The following DLEU7 variants were observed in gnomAD, a reference collection of about 807,000 sequenced individuals.
DLEU7 encodes leukemia-associated protein 7.
DLEU7 carries 17 observed loss-of-function variants against 16.0 expected under a neutral mutation model. The observed-to-expected ratio is 1.06, with a 90% CI of 0.73 to 1.59. DLEU7 has a LOEUF of 1.59. DLEU7 is among the 40% of genes most tolerant of loss of function. DLEU7 has a pLI of 0.00. For missense variants in DLEU7, 308 were observed against 314.9 expected (o/e 0.98, Z 0.17); for synonymous variants, 113 against 139.8 (o/e 0.81, Z 1.35).
intron 1 of DLEU7, among the ~76,000 whole-genome samples, chr13:50,812,245 G>A (rs975298631): frequency 6.6e-6 from 1 of 152,140 alleles, no homozygotes; most frequent in Non-Finnish European, 1.5e-5. Context: ...CAGCTTGATG[G>A]TGTGTAGAAG....
intron 1 of DLEU7, among the ~76,000 whole-genome samples, chr13:50,731,378 T>G (rs1297836149): frequency 6.6e-6 from 1 of 152,174 alleles, no homozygotes; most frequent in African/African-American, 2.4e-5. Flanking sequence ...TGTATATGTG[T>G]TTTTGAGGTG....
intron 1 of DLEU7, among the ~76,000 whole-genome samples, chr13:50,767,841 A>C (rs1264399045): frequency 6.6e-6 from 1 of 152,178 alleles, no homozygotes; most frequent in Admixed American, 6.5e-5. Flanking sequence ...CCTGAAGGTC[A>C]AGCCTCCGTG....
At chr13:50,806,248 G>C (rs1173288523) in intron 1 of DLEU7, among the ~76,000 whole-genome samples, 1 of 152,064 alleles carries the variant, frequency 6.6e-6, no homozygotes, top group African/African-American at 2.4e-5. Flanking sequence ...ATATGAATAA[G>C]AAAATACTCA....
intron 1 of DLEU7, among the ~76,000 whole-genome samples, chr13:50,716,641 G>A (rs1873446479): frequency 6.6e-6 from 1 of 152,204 alleles, no homozygotes; most frequent in African/African-American, 2.4e-5. Flanking sequence ...GTGTAAGGTG[G>A]TAACAACAAT....
At chr13:50,723,824 G>GA (rs1407195833) in intron 1 of DLEU7, among the ~76,000 whole-genome samples, 5 of 149,800 alleles carry the variant, frequency 3.3e-5, no homozygotes, top group African/African-American at 1.2e-4. Context: ...GTCTATAGCA[G>GA]AAAAAAATAA....
intron 1 of DLEU7, among the ~76,000 whole-genome samples, chr13:50,815,691 C>T (rs1876712875): frequency 6.6e-6 from 1 of 152,010 alleles, no homozygotes; most frequent in African/African-American, 2.4e-5. Flanking sequence ...TCCCACAGGC[C>T]CACTTATGGT....
chr13:50,713,148 T>A, exon 2 of DLEU7: 1 of 1,572,894 alleles, frequency 6.4e-7, no homozygotes, highest in Non-Finnish European at 8.7e-7. Context: ...CATCTGGCAT[T>A]CAGAATTTGG....
intron 1 of DLEU7, among the ~76,000 whole-genome samples, chr13:50,768,505 A>G (rs1396845993): frequency 6.9e-6 from 1 of 144,984 alleles, no homozygotes; most frequent in Non-Finnish European, 1.5e-5. Flanking sequence ...TCATTGTTCA[A>G]TTCCCACCTA....
chr13:50,814,761 A>AGTGTGTGTGTGTGTGTGTGT (rs10670911), intron 1 of DLEU7, among the ~76,000 whole-genome samples: 39 of 138,658 alleles, frequency 2.8e-4, no homozygotes, highest in Non-Finnish European at 5.2e-4. Flanking sequence ...TATTCATGTG[A>AGTGTGTGTGTGTGTGTGTGT]GTGTGTGTGT....
At chr13:50,731,146 T>C (rs1220181136) in intron 1 of DLEU7, among the ~76,000 whole-genome samples, 2 of 152,224 alleles carry the variant, frequency 1.3e-5, no homozygotes, top group East Asian at 1.9e-4. Flanking sequence ...TCTTCATTTA[T>C]GGAGAGTGTA....
In DLEU7 at chr13:50,787,222, C is replaced by T. The variant is rs540348706; in HGVS notation, c.459+55966G>A. On this transcript the variant is annotated intron_variant, in intron 1 of 1. Transcript: ENST00000400393. ...AATGCTGTACTGACTATGAGTTTTC[C>T]TGGTGAGGTCAGGCCTGCTTAATAA... Among the ~76,000 whole-genome samples the T allele has an allele frequency of 5.3e-4, 80 of 152,254 alleles. 2 individuals are homozygous for T. The South Asian group carries it at 0.017, about 32-fold the overall frequency.
intron 1 of DLEU7, among the ~76,000 whole-genome samples, chr13:50,719,307 A>G (rs1208058156): frequency 6.6e-6 from 1 of 152,198 alleles, no homozygotes; most frequent in Non-Finnish European, 1.5e-5. Context: ...TTCTGTTACA[A>G]CAGGTGACAT....
chr13:50,822,478 T>C (rs1368264961), downstream of DLEU7, among the ~76,000 whole-genome samples: 8 of 141,800 alleles, frequency 5.6e-5, no homozygotes, highest in Non-Finnish European at 1.5e-5. Context: ...TTCCGAAGTA[T>C]GTGTGGACTG....
At chr13:50,815,446 T>C (rs544298834) in intron 1 of DLEU7, among the ~76,000 whole-genome samples, 10 of 152,296 alleles carry the variant, frequency 6.6e-5, no homozygotes, top group Admixed American at 6.5e-4. Flanking sequence ...TACACACACA[T>C]ATACGCACAC....
chr13:50,750,494 A>C (rs1020263772), intron 1 of DLEU7, among the ~76,000 whole-genome samples: 6 of 151,782 alleles, frequency 4.0e-5, no homozygotes, highest in Non-Finnish European at 8.8e-5. Context: ...ATTTTGGTGG[A>C]GATTGTGTTG....
At chr13:50,815,141 G>T (rs578112921) in intron 1 of DLEU7, among the ~76,000 whole-genome samples, 57 of 152,178 alleles carry the variant, frequency 3.7e-4, no homozygotes, top group Middle Eastern at 3.4e-3. Context: ...CCCCCGCCAA[G>T]AACTCATTTT....
chr13:50,842,293 T>C lies in DLEU7; in HGVS notation c.459+895A>G, dbSNP rs191316997. Among the ~76,000 whole-genome samples, 28 of 152,298 alleles carry C rather than the reference T, an allele frequency of 1.8e-4. No individual in the cohort carries two copies. The East Asian group carries it at 5.0e-3, about 27-fold the overall frequency. ...AACTCTTGAGACATATTCTAAGCTC[T>C]CCTCATCACCCCTCCCCAACTCCTT... On this transcript the variant is annotated intron_variant, in intron 1 of 1. Transcript: ENST00000504404.
intron 1 of DLEU7, among the ~76,000 whole-genome samples, chr13:50,740,848 G>C (rs567009517): frequency 6.6e-6 from 1 of 152,086 alleles, no homozygotes; most frequent in Non-Finnish European, 1.5e-5. Context: ...GACTGTTCCT[G>C]CTTATAAGTG....
chr13:50,816,613 G>A (rs1420350662), intron 1 of DLEU7, among the ~76,000 whole-genome samples: 3 of 151,972 alleles, frequency 2.0e-5, no homozygotes, highest in Non-Finnish European at 4.4e-5. Context: ...AGACAAGAGG[G>A]TATCAAAGAC....
Sources: gnomAD v4.1 joint callset for allele counts (sites outside exome capture counted in the v4.1 genomes callset) on GRCh38, gnomAD v4.1.1 for gene constraint, MANE v1.5 for transcripts, NCBI Gene and HGNC (gene_info 2026-07-23, HGNC 2026-07-21) for gene names.